Variants in HLCS observed in about 807,000 individuals in gnomAD.
HLCS encodes holocarboxylase synthetase, also known as biotin--protein ligase.
Under a neutral mutation model 75.0 loss-of-function variants are expected in HLCS, and 53 were observed. The observed-to-expected ratio is 0.71, with a 90% CI of 0.57 to 0.89. The LOEUF is 0.89. Ranked by LOEUF, HLCS falls within the 40% of genes least tolerant of loss-of-function variation. The pLI, the probability that HLCS is intolerant of heterozygous loss-of-function variation, is 0.00. For missense variants in HLCS, 966 were observed against 1,074.0 expected, an observed-to-expected ratio of 0.90 and a Z score of 1.41; for synonymous variants, 431 against 428.6, an observed-to-expected ratio of 1.01 and a Z score of -0.07.
rs3827190 is a variant in HLCS, at chr21:36,947,448, G to A, written c.331-8454C>T. Reference sequence around the variant, plus strand: ...AGAACCGCGCTGTCACTGATACGTCGTCCAGGGTGTTTGCCTTCCAGTGGA... The same window carrying A: ...AGAACCGCGCTGTCACTGATACGTCATCCAGGGTGTTTGCCTTCCAGTGGA... On this transcript the variant is annotated intron_variant, in intron 2 of 10. Transcript: ENST00000674895. The A allele has an allele frequency of 0.012, 12,205 of 985,310 alleles. 372 individuals carry two copies. Among genetic ancestry groups the A allele is most frequent in the African/African-American group, 0.11 (6,160 of 57,304 alleles). 61.0% of individuals were successfully genotyped at this position (985,310 alleles called of 1,614,324 possible). A position where few individuals can be genotyped will look rare whatever the true frequency, so the allele number is the denominator to read the frequency against.
At chr21:36,766,126 T>A (rs1278293636) in intron 7 of HLCS, among the ~76,000 whole-genome samples, 1 of 152,172 alleles carries the variant, frequency 6.6e-6, no homozygotes, top group African/African-American at 2.4e-5. Flanking sequence ...TGGGCTCAAG[T>A]GATGCTCCCA....
At chr21:36,810,172 C>T (rs771552556) in intron 6 of HLCS, among the ~76,000 whole-genome samples, 5 of 152,162 alleles carry the variant, frequency 3.3e-5, no homozygotes, top group Non-Finnish European at 5.9e-5. Flanking sequence ...CTTGGTTCTT[C>T]AAATGTTGGT....
intron 8 of HLCS, among the ~76,000 whole-genome samples, chr21:36,761,842 G>A (rs749965256): frequency 2.0e-4 from 31 of 152,226 alleles, no homozygotes; most frequent in South Asian, 4.1e-4. Context: ...CCCCTGCCTC[G>A]CCGGCGGGAG....
chr21:36,954,593 C>T (rs2067835423), intron 2 of HLCS, among the ~76,000 whole-genome samples: 2 of 151,616 alleles, frequency 1.3e-5, no homozygotes, highest in African/African-American at 2.4e-5. Flanking sequence ...CCAGCCTGGG[C>T]GACAGAGCAA....
chr21:36,937,419 A>C, intron 3 of HLCS, 27 bp from the exon 4 acceptor site: 1 of 1,577,154 alleles, frequency 6.3e-7, no homozygotes, highest in South Asian at 1.1e-5. Context: ...AGAGAGAGAC[A>C]GAAAATTAAT....
intron 1 of HLCS, among the ~76,000 whole-genome samples, chr21:36,979,124 T>C (rs1328937119): frequency 6.6e-6 from 1 of 151,870 alleles, no homozygotes; most frequent in Non-Finnish European, 1.5e-5. Flanking sequence ...AAAAAAAAAT[T>C]AGCCGGGCAT....
intron 6 of HLCS, among the ~76,000 whole-genome samples, chr21:36,857,425 C>T (rs952721014): frequency 6.6e-6 from 1 of 152,318 alleles, no homozygotes; most frequent in South Asian, 2.1e-4. Flanking sequence ...AGACTCTCCT[C>T]ACTAGTCCTA....
At chr21:36,834,250 A>T (rs1236732420) in intron 6 of HLCS, among the ~76,000 whole-genome samples, 1 of 152,192 alleles carries the variant, frequency 6.6e-6, no homozygotes, top group Non-Finnish European at 1.5e-5. Context: ...AGTTCTACAC[A>T]CTGAGGTAAT....
At chr21:36,820,598 A>G (rs182827522) in intron 6 of HLCS, among the ~76,000 whole-genome samples, 122 of 152,332 alleles carry the variant, frequency 8.0e-4, no homozygotes, top group African/African-American at 2.8e-3. Flanking sequence ...CTCAGTCCCC[A>G]CTGGACTTTG....
chr21:36,806,600 C>T (rs921437649), intron 6 of HLCS, among the ~76,000 whole-genome samples: 3 of 152,040 alleles, frequency 2.0e-5, no homozygotes, highest in Non-Finnish European at 4.4e-5. Flanking sequence ...CATTTGGTGC[C>T]TTGATGAAAA....
intron 5 of HLCS, among the ~76,000 whole-genome samples, chr21:36,897,388 T>C (rs2146337518): frequency 1.3e-5 from 2 of 152,306 alleles, no homozygotes; most frequent in Admixed American, 1.3e-4. Flanking sequence ...ATACTTCCTA[T>C]CTTACATCTT....
At chr21:36,967,988 G>A (rs2068677042), upstream of HLCS, among the ~76,000 whole-genome samples, 2 of 152,006 alleles carry the variant, frequency 1.3e-5, no homozygotes, top group South Asian at 4.1e-4. Context: ...CCAAAGTGCT[G>A]GGATTACAGG....
chr21:36,968,195 C>T (rs891488990), upstream of HLCS, among the ~76,000 whole-genome samples: 2 of 152,080 alleles, frequency 1.3e-5, no homozygotes, highest in African/African-American at 4.8e-5. Context: ...CGCTGTGTCG[C>T]CCAGGCTGGT....
chr21:36,906,843 G>T (rs2146378209), intron 5 of HLCS, among the ~76,000 whole-genome samples: 1 of 152,330 alleles, frequency 6.6e-6, no homozygotes, highest in Non-Finnish European at 1.5e-5. Context: ...TTGGCACACA[G>T]AGATAGGTAT....
chr21:36,897,514 T>C (rs1008927607), intron 5 of HLCS, among the ~76,000 whole-genome samples: 3 of 152,150 alleles, frequency 2.0e-5, no homozygotes, highest in African/African-American at 4.8e-5. Context: ...AGAAATTCAT[T>C]ATCCTATTTG....
At chr21:36,817,155 C>T (rs1343471046) in intron 6 of HLCS, among the ~76,000 whole-genome samples, 2 of 152,210 alleles carry the variant, frequency 1.3e-5, no homozygotes, top group Non-Finnish European at 2.9e-5. Context: ...ACATACCATA[C>T]TCTTTTCAAA....
At chr21:36,914,470 C>G (rs2065845559) in intron 5 of HLCS, among the ~76,000 whole-genome samples, 2 of 152,202 alleles carry the variant, frequency 1.3e-5, no homozygotes, top group Admixed American at 1.3e-4. Context: ...GTTAAGCGGT[C>G]TTCCTTTTAT....
At chr21:36,979,007 C>T (rs1387986692) in intron 1 of HLCS, among the ~76,000 whole-genome samples, 4 of 152,202 alleles carry the variant, frequency 2.6e-5, no homozygotes, top group Non-Finnish European at 5.9e-5. Flanking sequence ...CGGTGGCTCA[C>T]GCCTGTAATC....
intron 5 of HLCS, among the ~76,000 whole-genome samples, chr21:36,905,749 C>A (rs2065421319): frequency 6.6e-6 from 1 of 151,698 alleles, no homozygotes; most frequent in Admixed American, 6.6e-5. Context: ...TTGTGGGATA[C>A]AAGGTCAATA....
Sources: gnomAD v4.1 joint callset for allele counts (sites outside exome capture counted in the v4.1 genomes callset) on GRCh38, gnomAD v4.1.1 for gene constraint, MANE v1.5 for transcripts, NCBI Gene and HGNC (gene_info 2026-07-23, HGNC 2026-07-21) for gene names.